MAP3K4: variants seen among roughly 807,000 people sequenced by gnomAD.
MAP3K4 encodes the protein MAP three kinase 1.
In MAP3K4, 67 loss-of-function variants were observed where a neutral mutation model predicts 185.6. That is an observed-to-expected ratio of 0.36 (90% CI 0.30 to 0.44). MAP3K4 has a LOEUF of 0.44. Among genes scored for constraint, MAP3K4 ranks in the 20% least tolerant of loss-of-function variants. The pLI, the probability that MAP3K4 is intolerant of heterozygous loss-of-function variation, is 1.00. For synonymous variants in MAP3K4, 702 were observed against 710.4 expected (o/e 0.99, Z 0.19); for missense variants, 1,551 against 1,995.1 (o/e 0.78, Z 4.24).
intron 18 of MAP3K4, 26 bp from the exon 19 acceptor site, chr6:161,102,673 A>G: frequency 1.1e-5 from 16 of 1,457,270 alleles, no homozygotes; most frequent in Non-Finnish European, 1.4e-5. Context: ...ATAAATCTTA[A>G]TTTGTATAAA....
At position 161,043,303 on chromosome 6, in the gene MAP3K4, G is replaced by T. The variant is rs1783571745; in HGVS notation, c.344-5313G>T. Among the ~76,000 whole-genome samples, 1 of 152,190 alleles carries T rather than the reference G, an allele frequency of 6.6e-6. No individual in the cohort carries two copies. Among genetic ancestry groups the T allele is most frequent in the South Asian group, 2.1e-4 (1 of 4,828 alleles). On this transcript the variant is annotated intron_variant, in intron 2 of 26. Coordinates refer to ENST00000392142, the MANE Select transcript of MAP3K4 (RefSeq NM_005922.4). This position sits in a 1 kb window ranked among gnomAD's most constrained non-coding sequence, Gnocchi z 4.3. ...TTGTGTCTCTTCTTTGCTGGCTTCA[G>T]ATATGCTCTTGCCTTCTTTACTTCC...
rs1412491111 is a variant in MAP3K4 at position 161,080,672 on chromosome 6, G to C, written c.2098-209G>C. ...GGGGTTGTCAATAATATGTTAAATTGCTGGGGAGTTAGTTTTGTGATTTTT... is the reference window on the plus strand; with the variant it reads ...GGGGTTGTCAATAATATGTTAAATTCCTGGGGAGTTAGTTTTGTGATTTTT... On this transcript the variant is annotated intron_variant, in intron 5 of 26. Transcript: ENST00000392142. The surrounding 1 kb of genome is among the most constrained non-coding windows in gnomAD (Gnocchi z 4.8). The C allele has an allele frequency of 1.9e-6, 1 of 512,992 alleles. No homozygotes were observed. Among genetic ancestry groups the C allele is most frequent in the East Asian group, 3.5e-5 (1 of 28,836 alleles). 31.8% of individuals were successfully genotyped at this position (512,992 alleles called of 1,614,324 possible).
Position 161,107,749 on chromosome 6 carries a change from T to C in MAP3K4, c.4049-150T>C. On this transcript the variant is annotated intron_variant, in intron 20 of 26. Coordinates refer to ENST00000392142, the MANE Select transcript of MAP3K4 (RefSeq NM_005922.4). The surrounding 1 kb of genome is among the most constrained non-coding windows in gnomAD (Gnocchi z 6.2). ...TTATCAGGGAACATTTAGAAAAATTTTGGATCTTGCAATAGTAAACTGCAG... is the reference window on the plus strand; with the variant it reads ...TTATCAGGGAACATTTAGAAAAATTCTGGATCTTGCAATAGTAAACTGCAG... 2 of 546,874 alleles carry C rather than the reference T, an allele frequency of 3.7e-6. No individual in the cohort carries two copies. The highest frequency in any genetic ancestry group is 6.3e-6 in the Non-Finnish European group (2 of 317,214). The allele number at this position is 546,874 out of a possible 1,614,324, so 33.9% of individuals were successfully genotyped here.
At position 161,063,369 on chromosome 6, in the gene MAP3K4, C is replaced by T. The variant is rs1784564041; in HGVS notation, c.1708-7239C>T. Among the ~76,000 whole-genome samples, 1 of 152,152 alleles carries T rather than the reference C, an allele frequency of 6.6e-6. No homozygotes were observed. The highest frequency in any genetic ancestry group is 1.5e-5 in the Non-Finnish European group (1 of 68,026). On this transcript the variant is annotated intron_variant, in intron 3 of 26. Coordinates refer to ENST00000392142, the MANE Select transcript of MAP3K4 (RefSeq NM_005922.4). The surrounding 1 kb of genome is among the most constrained non-coding windows in gnomAD (Gnocchi z 5.4). ...GAGGGTTATTCTCCTTTTTCTCTCT[C>T]TGCTTATGGTAACCTTGTGCTAGAT...
intron 1 of MAP3K4, among the ~76,000 whole-genome samples, chr6:161,012,471 A>G (rs185001459): frequency 6.6e-6 from 1 of 152,222 alleles, no homozygotes; most frequent in Non-Finnish European, 1.5e-5. Context: ...AATAGAAATT[A>G]TAATTCATGG....
chr6:161,067,294 C>A lies in MAP3K4; in HGVS notation c.1708-3314C>A. The A allele has an allele frequency of 2.3e-6, 1 of 431,756 alleles. No homozygotes were observed. The highest frequency in any genetic ancestry group is 4.6e-6 in the Non-Finnish European group (1 of 215,156). 26.7% of individuals were successfully genotyped at this position (431,756 alleles called of 1,614,324 possible). On this transcript the variant is annotated intron_variant, in intron 3 of 26. Transcript: ENST00000392142. The surrounding 1 kb of genome is among the most constrained non-coding windows in gnomAD (Gnocchi z 6.3). ...AAGCAGGGATGGGGCTTGCAGGTCA[C>A]AGGTAGGTAAGAGACAAAACGTTAC...
rs1781643910 is a variant in MAP3K4, at chr6:161,007,458, G to A, written c.152+15375G>A. The stretch of plus-strand genomic sequence containing the variant: ...TTAGCCATTTCTTGGAACACAGAAC[G>A]TGGATTTCCTATCCATTGCTCTCTT... On this transcript the variant is annotated intron_variant, in intron 1 of 26. Coordinates refer to ENST00000392142, the MANE Select transcript of MAP3K4 (RefSeq NM_005922.4). The surrounding 1 kb of genome is among the most constrained non-coding windows in gnomAD (Gnocchi z 4.5). Among the ~76,000 whole-genome samples the A allele has an allele frequency of 6.6e-6, 1 of 152,186 alleles. No individual in the cohort carries two copies. Among genetic ancestry groups the A allele is most frequent in the Non-Finnish European group, 1.5e-5 (1 of 68,026 alleles).
At position 161,053,894 on chromosome 6, in the gene MAP3K4, A is replaced by G. The variant is rs757205210; in HGVS notation, c.1707+3915A>G. 7.3e-5 allele frequency among the ~76,000 whole-genome samples: 11 copies of G among 151,702 alleles called. No individual in the cohort carries two copies. The highest frequency in any genetic ancestry group is 1.0e-4 in the Non-Finnish European group (7 of 67,890). On this transcript the variant is annotated intron_variant, in intron 3 of 26. Transcript: ENST00000392142. This position sits in a 1 kb window ranked among gnomAD's most constrained non-coding sequence, Gnocchi z 4.2. ...CAGGCGTGAGCCACTGCGCCTGGCT[A>G]GTGTTTTTGTTCTTAATTGTTAAAA...
chr6:161,109,079 A>C lies in MAP3K4; in HGVS notation c.4236+220A>C. 1.5e-6 allele frequency: 2 copies of C among 1,353,932 alleles called. No homozygotes were observed. The highest frequency in any genetic ancestry group is 1.0e-6 in the Non-Finnish European group (1 of 985,412). 83.9% of individuals were successfully genotyped at this position (1,353,932 alleles called of 1,614,324 possible). A position where few individuals can be genotyped will look rare whatever the true frequency, so the allele number is the denominator to read the frequency against. On this transcript the variant is annotated intron_variant, in intron 22 of 26. Transcript: ENST00000392142. This position sits in a 1 kb window ranked among gnomAD's most constrained non-coding sequence, Gnocchi z 5.7. ...CTGTAGTCATTAACCCGACATCATA[A>C]AGCACTGAAACCCATCCTGCCATTC...
intron 3 of MAP3K4, among the ~76,000 whole-genome samples, chr6:161,050,348 A>C (rs1276375602): frequency 6.6e-6 from 1 of 152,196 alleles, no homozygotes; most frequent in Non-Finnish European, 1.5e-5. Flanking sequence ...TTTATAAATG[A>C]ATAGGGCGCC....
In MAP3K4 at chr6:161,071,688, T is replaced by G. The variant is rs1016781493; in HGVS notation, c.1950+838T>G. The stretch of plus-strand genomic sequence containing the variant: ...GAATAGAATGACTAATGAAAGTCAT[T>G]TGGAGATTGTCCCCTGCATCTCATT... On this transcript the variant is annotated intron_variant, in intron 4 of 26. Transcript: ENST00000392142. This position sits in a 1 kb window ranked among gnomAD's most constrained non-coding sequence, Gnocchi z 4.6. 2.0e-5 allele frequency among the ~76,000 whole-genome samples: 3 copies of G among 152,160 alleles called. No homozygotes were observed. Among genetic ancestry groups the G allele is most frequent in the Admixed American group, 1.3e-4 (2 of 15,274 alleles).
chr6:161,087,991 C>T lies in MAP3K4; in HGVS notation c.2823+37C>T, dbSNP rs73026063. ...CTCCATCTTTGCAGCAGTGTTACTT[C>T]AAGGACTTTTAGTAAGAATGAACTG... On this transcript the variant is annotated intron_variant, in intron 10 of 26. Coordinates refer to ENST00000392142, the MANE Select transcript of MAP3K4 (RefSeq NM_005922.4). This position sits in a 1 kb window ranked among gnomAD's most constrained non-coding sequence, Gnocchi z 4.9. 723 of 1,579,550 alleles carry T rather than the reference C, an allele frequency of 4.6e-4. 1 individual carries two copies. The highest frequency in any genetic ancestry group is 5.4e-4 in the Non-Finnish European group (635 of 1,167,102).
At position 161,106,791 on chromosome 6, in the gene MAP3K4, T is replaced by G. The variant is rs1023317739; in HGVS notation, c.4048+86T>G. On this transcript the variant is annotated intron_variant, in intron 20 of 26. Transcript: ENST00000392142. This position sits in a 1 kb window ranked among gnomAD's most constrained non-coding sequence, Gnocchi z 4.9. The stretch of plus-strand genomic sequence containing the variant: ...CTTCTTTAGGTTGAATCCTATAGAG[T>G]TGGCCCTTTTTTCTTGTAGACATAG... 34 of 1,106,042 alleles carry G rather than the reference T, an allele frequency of 3.1e-5. 1 individual carries two copies. In the Admixed American group the frequency reaches 8.8e-4, roughly 28 times the overall value. The allele number at this position is 1,106,042 out of a possible 1,614,324, so 68.5% of individuals were successfully genotyped here. A position where few individuals can be genotyped will look rare whatever the true frequency, so the allele number is the denominator to read the frequency against.
rs189719622 is a variant in MAP3K4 at position 161,108,867 on chromosome 6, G to A, written c.4236+8G>A. 37 of 1,605,752 alleles carry A rather than the reference G, an allele frequency of 2.3e-5. No individual in the cohort carries two copies. In the East Asian group the frequency reaches 6.5e-4, roughly 28 times the overall value. On this transcript the variant is annotated splice_region_variant and intron_variant, in intron 22 of 26. Transcript: ENST00000392142. The surrounding 1 kb of genome is among the most constrained non-coding windows in gnomAD (Gnocchi z 5.7). ...GGTGTGGAGCTCCATAGAGTAAGCC[G>A]ACCCTAATGCCACTCTTTGTGTGAG... is the stretch of plus-strand genomic sequence containing the variant.
Position 161,070,656 on chromosome 6 carries a change from T to C in MAP3K4, c.1756T>C (p.Ser586Pro). Reference sequence around the variant, plus strand: ...GTGGGGTTCAGATTATGTGCAGTTGTCAAGGACACCACCTTCATCTGAGGA... The same window carrying C: ...GTGGGGTTCAGATTATGTGCAGTTGCCAAGGACACCACCTTCATCTGAGGA... ...PMWGSDYVQL[S>P]RTPPSSEEKC... Residue 586 changes from serine to proline, a missense_variant, in exon 4 of 27, where the codon TCA becomes CCA. Coordinates refer to ENST00000392142, the MANE Select transcript of MAP3K4 (RefSeq NM_005922.4). This position sits in a 1 kb window ranked among gnomAD's most constrained non-coding sequence, Gnocchi z 4.5. 1 of 1,614,060 alleles carries C rather than the reference T, an allele frequency of 6.2e-7. No individual in the cohort carries two copies. Among genetic ancestry groups the C allele is most frequent in the African/African-American group, 1.3e-5 (1 of 75,052 alleles).
chr6:161,098,270 T>C lies in MAP3K4; in HGVS notation c.3525-8T>C, dbSNP rs769003846. On this transcript the variant is annotated splice_polypyrimidine_tract_variant and splice_region_variant and intron_variant, in intron 16 of 26. Transcript: ENST00000392142. The surrounding 1 kb of genome is among the most constrained non-coding windows in gnomAD (Gnocchi z 4.4). ...CATGTGTTCCTGAAGCTTTTCTTCT[T>C]GTCTTAGCACTCGGAGCATGCCTTC... is the stretch of plus-strand genomic sequence containing the variant. The C allele has an allele frequency of 5.0e-6, 8 of 1,610,352 alleles. No individual in the cohort carries two copies. Among genetic ancestry groups the C allele is most frequent in the Admixed American group, 3.3e-5 (2 of 59,728 alleles).
rs1785612693 is a variant in MAP3K4 at position 161,084,657 on chromosome 6, C to CGTA, written c.2372+43_2372+45dup. 1.7e-6 allele frequency: 2 copies of CGTA among 1,158,292 alleles called. No homozygotes were observed. The allele number at this position is 1,158,292 out of a possible 1,614,324, so 71.8% of individuals were successfully genotyped here. A position where few individuals can be genotyped will look rare whatever the true frequency, so the allele number is the denominator to read the frequency against. On this transcript the variant is annotated intron_variant, in intron 7 of 26. Coordinates refer to ENST00000392142, the MANE Select transcript of MAP3K4 (RefSeq NM_005922.4). This position sits in a 1 kb window ranked among gnomAD's most constrained non-coding sequence, Gnocchi z 4.6. Reference sequence around the variant, plus strand: ...TCCTTTCCCCTTCCACTTCTTATCTCGTAGTTTCCTTCCTCATGGTGAGAT... The same window carrying CGTA: ...TCCTTTCCCCTTCCACTTCTTATCTCGTAGTAGTTTCCTTCCTCATGGTGAGAT...
rs571429368 is a variant in MAP3K4, at chr6:161,037,660, C to T, written c.343+3211C>T. On this transcript the variant is annotated intron_variant, in intron 2 of 26. Transcript: ENST00000392142. This position sits in a 1 kb window ranked among gnomAD's most constrained non-coding sequence, Gnocchi z 4.2. ...CTCGAACTGCTGACCTCAGGTGATC[C>T]ACCTGCCTCAGTCTCCCAAAGTGCT... Among the ~76,000 whole-genome samples, 12 of 139,158 alleles carry T rather than the reference C, an allele frequency of 8.6e-5. No individual in the cohort carries two copies. The highest frequency in any genetic ancestry group is 2.9e-4 in the African/African-American group (12 of 40,726). The allele number at this position is 139,158 out of a possible 152,430, so 91.3% of individuals were successfully genotyped here. A position where few individuals can be genotyped will look rare whatever the true frequency, so the allele number is the denominator to read the frequency against.
intron 2 of MAP3K4, among the ~76,000 whole-genome samples, chr6:161,046,449 A>G (rs1783733088): frequency 2.0e-5 from 3 of 152,200 alleles, no homozygotes; most frequent in African/African-American, 4.8e-5. Context: ...AATGGACTAT[A>G]TGAAAAGTTT....
Sources: allele counts gnomAD v4.1 joint callset (sites outside exome capture counted in the v4.1 genomes callset), GRCh38; gene constraint gnomAD v4.1.1; non-coding constraint Gnocchi (gnomAD v3.1); transcripts MANE v1.5; gene names NCBI Gene and HGNC (gene_info 2026-07-23, HGNC 2026-07-21).